Variants in DSCAML1 observed in about 807,000 individuals in gnomAD.
The protein encoded by DSCAML1 is DS cell adhesion molecule like 1, also known as cell adhesion molecule DSCAML1.
A neutral mutation model predicts 200.5 loss-of-function variants in DSCAML1; 38 were observed. The ratio of observed to expected loss-of-function variants is 0.19; its 90% CI spans 0.15 to 0.25. The LOEUF is 0.25. Among genes scored for constraint, DSCAML1 ranks in the 10% least tolerant of loss-of-function variants. DSCAML1 has a pLI of 1.00. For missense variants in DSCAML1, 2,223 were observed against 2,858.8 expected (o/e 0.78, Z 5.07); for synonymous variants, 1,215 against 1,165.0 (o/e 1.04, Z -0.87).
intron 19 of DSCAML1, among the ~76,000 whole-genome samples, chr11:117,458,349 C>T (rs1252841451): frequency 1.3e-5 from 2 of 152,210 alleles, no homozygotes; most frequent in African/African-American, 4.8e-5. Context: ...TGTGGGGTGA[C>T]CACAAAGTCC....
At chr11:117,727,961 T>A (rs1420864990) in intron 3 of DSCAML1, among the ~76,000 whole-genome samples, 1 of 152,174 alleles carries the variant, frequency 6.6e-6, no homozygotes, top group East Asian at 1.9e-4. Flanking sequence ...TATAGATGAA[T>A]TTATAGAATG....
intron 3 of DSCAML1, among the ~76,000 whole-genome samples, chr11:117,769,279 T>TATTTTTATGTAA (rs2054970508): frequency 2.5e-4 from 2 of 8,082 alleles, no homozygotes; most frequent in African/African-American, 2.5e-4. Context: ...TATTTATATA[T>TATTTTTATGTAA]TATATATTTT....
chr11:117,689,723 G>A (rs75707401), intron 3 of DSCAML1, among the ~76,000 whole-genome samples: 2,073 of 152,340 alleles, frequency 0.014, 18 homozygotes, highest in Non-Finnish European at 0.02. Flanking sequence ...GAGCTTCCCT[G>A]ACTGCTGGAG....
chr11:117,795,595 T>C (rs2055557143), intron 1 of DSCAML1, among the ~76,000 whole-genome samples: 2 of 152,062 alleles, frequency 1.3e-5, no homozygotes, highest in Non-Finnish European at 2.9e-5. Flanking sequence ...CCTGAGAAAC[T>C]CAACTACTTT....
At chr11:117,679,110 C>T (rs1031888635) in intron 3 of DSCAML1, among the ~76,000 whole-genome samples, 6 of 152,228 alleles carry the variant, frequency 3.9e-5, no homozygotes, top group African/African-American at 1.4e-4. Context: ...GGCCAGGGCT[C>T]ACTGCCACTC....
intron 3 of DSCAML1, among the ~76,000 whole-genome samples, chr11:117,724,162 C>T (rs1465728027): frequency 6.6e-6 from 1 of 152,144 alleles, no homozygotes; most frequent in African/African-American, 2.4e-5. Flanking sequence ...CCTTTCTGAC[C>T]CTGGCCTTAT....
At chr11:117,803,876 G>T (rs911991996) in intron 1 of DSCAML1, among the ~76,000 whole-genome samples, 5 of 152,216 alleles carry the variant, frequency 3.3e-5, no homozygotes, top group African/African-American at 1.2e-4. Context: ...TTCCTAGAAA[G>T]TCTGCCCATT....
chr11:117,465,296 A>G (rs2137160892), intron 16 of DSCAML1, 114 bp from the exon 17 acceptor site: 1 of 1,427,098 alleles, frequency 7.0e-7, no homozygotes, highest in Non-Finnish European at 9.5e-7. Flanking sequence ...AAAGGCTCCC[A>G]TCTCACTCAG....
intron 3 of DSCAML1, among the ~76,000 whole-genome samples, chr11:117,769,597 T>C (rs1460489897): frequency 7.4e-6 from 1 of 134,320 alleles, no homozygotes; most frequent in African/African-American, 2.8e-5. Flanking sequence ...ATATATAGTA[T>C]GTTAATTCTT....
intron 11 of DSCAML1, among the ~76,000 whole-genome samples, chr11:117,484,886 AGTGTGTGTGTGTGTGTGTGTGTGTGT>A (rs55850829): frequency 1.3e-4 from 15 of 119,090 alleles, no homozygotes; most frequent in East Asian, 4.9e-4. Context: ...GCAGAGGAAC[AGTGTGTGTGTGTGTGTGTGTGTGTGT>A]GTGTGTGTGT....
chr11:117,500,830 T>C (rs2049380484), intron 11 of DSCAML1, among the ~76,000 whole-genome samples: 1 of 152,216 alleles, frequency 6.6e-6, no homozygotes, highest in Non-Finnish European at 1.5e-5. Context: ...TTGATAGATT[T>C]ATTTTCTTTC....
rs760611948 is a variant in DSCAML1, at chr11:117,518,643, C to T, written c.1333G>A (p.Asp445Asn). ...PPPTVTWALDDEPIVRDGSHR... is the reference protein window; with the variant it reads ...PPPTVTWALDNEPIVRDGSHR... ...CTGCCATCCCGCACGATGGGCTCATCGTCGAGGGCCCAGGTGACCGTGGGG... is the reference window on the plus strand; with the variant it reads ...CTGCCATCCCGCACGATGGGCTCATTGTCGAGGGCCCAGGTGACCGTGGGG... The change falls in exon 7 of 33, where the codon GAT (aspartate) becomes AAT (asparagine). Residue 445 changes from aspartate (D) to asparagine (N), a missense_variant. Asp to Asn is a conservative substitution (Grantham distance 23). Around this residue, in one of 7 missense-constraint regions of DSCAML1, gnomAD observed 579 missense variants for 721.5 expected, o/e 0.80. Transcript: ENST00000651296. The surrounding 1 kb of genome is among the most constrained non-coding windows in gnomAD (Gnocchi z 6.3). 4 of 1,613,228 alleles carry T rather than the reference C, an allele frequency of 2.5e-6. No individual in the cohort carries two copies. The highest frequency in any genetic ancestry group is 1.3e-5 in the African/African-American group (1 of 74,934).
At chr11:117,431,091 C>T (rs1305922645) in intron 31 of DSCAML1, 58 bp from the exon 32 acceptor site, 1 of 1,498,534 alleles carries the variant, frequency 6.7e-7, no homozygotes, top group Non-Finnish European at 9.0e-7. Flanking sequence ...GTGAGACTGA[C>T]TGAGCACTTC....
At chr11:117,532,583 G>A (rs2050103090) in intron 3 of DSCAML1, 61 bp from the exon 4 acceptor site, 2 of 1,523,136 alleles carry the variant, frequency 1.3e-6, no homozygotes, top group Admixed American at 3.8e-5. Context: ...TCAGAGGCAG[G>A]GTAGCGTCTC....
intron 19 of DSCAML1, among the ~76,000 whole-genome samples, chr11:117,458,112 G>T: frequency 6.6e-6 from 1 of 152,192 alleles, no homozygotes; most frequent in East Asian, 1.9e-4. Flanking sequence ...GGCCTGGGTG[G>T]AAGCCTGGTC....
At chr11:117,509,906 G>A (rs908038247) in intron 8 of DSCAML1, among the ~76,000 whole-genome samples, 1 of 152,180 alleles carries the variant, frequency 6.6e-6, no homozygotes, top group Non-Finnish European at 1.5e-5. Context: ...GAGTCCCAGC[G>A]TGTCCCTAGC....
intron 3 of DSCAML1, among the ~76,000 whole-genome samples, chr11:117,559,004 G>A (rs2050609143): frequency 1.3e-5 from 2 of 152,058 alleles, no homozygotes; most frequent in Admixed American, 1.3e-4. Context: ...CCAACTTTTG[G>A]CTTTCTCCCT....
intron 1 of DSCAML1, among the ~76,000 whole-genome samples, chr11:117,781,307 A>T (rs900239768): frequency 1.3e-5 from 2 of 150,634 alleles, no homozygotes; most frequent in Non-Finnish European, 3.0e-5. Context: ...AAAAAAAAAG[A>T]AAGAAAGAAA....
upstream of DSCAML1, among the ~76,000 whole-genome samples, chr11:117,798,842 G>C (rs2055628992): frequency 6.6e-6 from 1 of 152,098 alleles, no homozygotes; most frequent in African/African-American, 2.4e-5. Context: ...TAGAACCCAG[G>C]CCTCCCGACT....
Sources: gnomAD v4.1 joint callset for allele counts (sites outside exome capture counted in the v4.1 genomes callset) on GRCh38, gnomAD v4.1.1 for gene constraint, gnomAD v4.1.1 regional missense constraint, Gnocchi (gnomAD v3.1) non-coding constraint, MANE v1.5 for transcripts, NCBI Gene and HGNC (gene_info 2026-07-23, HGNC 2026-07-21) for gene names.